PPA2: variants seen among roughly 807,000 people sequenced by gnomAD.
PPA2 encodes inorganic pyrophosphatase 2, mitochondrial.
Under a neutral mutation model 49.5 loss-of-function variants are expected in PPA2, and 48 were observed. The observed-to-expected ratio is 0.97, with a 90% CI of 0.77 to 1.23. The LOEUF (loss-of-function observed/expected upper bound fraction) is 1.23, where lower values mean the gene tolerates loss of function less well. PPA2 is among the 50% of genes most tolerant of loss of function. The pLI, the probability that PPA2 is intolerant of heterozygous loss-of-function variation, is 0.00. For synonymous variants in PPA2, 131 were observed against 139.9 expected (o/e 0.94, Z 0.45); for missense variants, 429 against 410.1 (o/e 1.05, Z -0.40).
intron 1 of PPA2, among the ~76,000 whole-genome samples, chr4:105,468,863 G>A (rs1023239472): frequency 3.3e-5 from 5 of 152,174 alleles, no homozygotes; most frequent in African/African-American, 1.2e-4. Flanking sequence ...ATCCCCCTGT[G>A]TTAAGTTCTA....
intron 8 of PPA2, 100 bp downstream of exon 8, chr4:105,398,937 C>A: frequency 2.5e-6 from 3 of 1,222,730 alleles, no homozygotes; most frequent in Non-Finnish European, 2.2e-6. Flanking sequence ...CTTTTTTAAC[C>A]ATGCTATATA....
chr4:105,454,678 G>A (rs1330549165), intron 2 of PPA2, among the ~76,000 whole-genome samples: 2 of 152,056 alleles, frequency 1.3e-5, no homozygotes, highest in Non-Finnish European at 2.9e-5. Context: ...TACAAAGCAC[G>A]AGTTTTAATC....
intron 6 of PPA2, among the ~76,000 whole-genome samples, 176 bp downstream of exon 6, chr4:105,437,774 A>G (rs933628715): frequency 6.6e-6 from 1 of 152,204 alleles, no homozygotes; most frequent in African/African-American, 2.4e-5. Context: ...TTACAGGGCT[A>G]TAATTTACCA....
At chr4:105,405,225 TATAAAC>T in intron 7 of PPA2, 1 of 747,734 alleles carries the variant, frequency 1.3e-6, no homozygotes, top group Non-Finnish European at 1.6e-6. Context: ...TAGGCATAGT[TATAAAC>T]AAACACAAAG....
At position 105,369,526 on chromosome 4, in the gene PPA2, A is replaced by G. The variant is rs1427666507; in HGVS notation, c.*199T>C. 2 of 544,960 alleles carry G rather than the reference A, an allele frequency of 3.7e-6. No homozygotes were observed. Among genetic ancestry groups the G allele is most frequent in the South Asian group, 2.8e-5 (1 of 35,870 alleles). The allele number at this position is 544,960 out of a possible 1,614,324, so 33.8% of individuals were successfully genotyped here. The stretch of plus-strand genomic sequence containing the variant: ...GCATGAGCCACCGTGCCTGGCCAAA[A>G]TCTTCTTTTTATATCAATAAATGTC... On this transcript the variant is annotated 3_prime_UTR_variant, in exon 12 of 12. Coordinates refer to ENST00000341695, the MANE Select transcript of PPA2 (RefSeq NM_176869.3).
intron 5 of PPA2, among the ~76,000 whole-genome samples, chr4:105,442,767 A>G (rs1394507468): frequency 5.3e-5 from 8 of 152,212 alleles, no homozygotes; most frequent in Non-Finnish European, 1.2e-4. Flanking sequence ...AGCTAAGTGG[A>G]TAGACTACTA....
At chr4:105,450,937 A>AT (rs542920634) in intron 3 of PPA2, among the ~76,000 whole-genome samples, 3 of 151,894 alleles carry the variant, frequency 2.0e-5, no homozygotes, top group South Asian at 2.1e-4. Context: ...TGTTGATTGC[A>AT]TTTTTTTTAA....
intron 5 of PPA2, among the ~76,000 whole-genome samples, chr4:105,443,861 T>A (rs1316559697): frequency 1.3e-5 from 2 of 152,160 alleles, no homozygotes; most frequent in Non-Finnish European, 2.9e-5. Context: ...TTCCTCTAGA[T>A]GTCCACACTA....
At chr4:105,424,673 G>A (rs1290125402) in intron 6 of PPA2, among the ~76,000 whole-genome samples, 1 of 152,130 alleles carries the variant, frequency 6.6e-6, no homozygotes, top group Non-Finnish European at 1.5e-5. Flanking sequence ...AATGAGAAGA[G>A]ATGTGATTGC....
intron 6 of PPA2, among the ~76,000 whole-genome samples, chr4:105,424,858 A>T (rs1723421508): frequency 6.6e-6 from 1 of 152,222 alleles, no homozygotes; most frequent in African/African-American, 2.4e-5. Context: ...GGTTCCTTTG[A>T]GACACGGATT....
intron 7 of PPA2, among the ~76,000 whole-genome samples, chr4:105,402,597 G>A (rs1303953860): frequency 6.6e-6 from 1 of 152,160 alleles, no homozygotes; most frequent in Admixed American, 6.6e-5. Flanking sequence ...TAGGAGATAC[G>A]ATTAGAGAAG....
chr4:105,370,526 T>C (rs949709110), intron 11 of PPA2: 91 of 862,322 alleles, frequency 1.1e-4, no homozygotes, highest in Non-Finnish European at 1.2e-4. Context: ...TAAGAGTTTT[T>C]TTTTAATTAA....
At chr4:105,409,028 G>A (rs923221836) in intron 7 of PPA2, among the ~76,000 whole-genome samples, 8 of 152,210 alleles carry the variant, frequency 5.3e-5, no homozygotes, top group African/African-American at 1.9e-4. Flanking sequence ...TGAGGTACGT[G>A]GTTCATCTCA....
chr4:105,438,916 C>G (rs1355956242), intron 5 of PPA2, among the ~76,000 whole-genome samples: 1 of 151,912 alleles, frequency 6.6e-6, no homozygotes, highest in Non-Finnish European at 1.5e-5. Flanking sequence ...TAATTACAAA[C>G]AAACTTATTT....
intron 4 of PPA2, 82 bp from the exon 5 acceptor site, chr4:105,446,584 G>T: frequency 7.1e-7 from 1 of 1,416,820 alleles, no homozygotes. Context: ...TTAAAAATCT[G>T]CTATTTTCAG....
chr4:105,453,748 C>T, intron 2 of PPA2, 106 bp from the exon 3 acceptor site: 1 of 804,146 alleles, frequency 1.2e-6, no homozygotes, highest in Non-Finnish European at 1.9e-6. Context: ...TACACAAAGA[C>T]TGTCCAGAAA....
intron 6 of PPA2, among the ~76,000 whole-genome samples, chr4:105,435,984 A>G (rs1448009623): frequency 6.6e-6 from 1 of 152,114 alleles, no homozygotes; most frequent in Non-Finnish European, 1.5e-5. Flanking sequence ...AGGAAATAAA[A>G]GGTATCTAAA....
chr4:105,431,982 GA>G (rs1723822911), intron 6 of PPA2, among the ~76,000 whole-genome samples: 1 of 152,306 alleles, frequency 6.6e-6, no homozygotes, highest in African/African-American at 2.4e-5. Flanking sequence ...TTGAGGTCAT[GA>G]AATGTTTGGG....
At chr4:105,411,098 C>T (rs944013555) in intron 7 of PPA2, among the ~76,000 whole-genome samples, 4 of 152,054 alleles carry the variant, frequency 2.6e-5, no homozygotes, top group African/African-American at 9.7e-5. Flanking sequence ...TTAAATGCCC[C>T]AATTAAAAGA....
Sources: gnomAD v4.1 joint callset for allele counts (sites outside exome capture counted in the v4.1 genomes callset) on GRCh38, gnomAD v4.1.1 for gene constraint, MANE v1.5 for transcripts, NCBI Gene and HGNC (gene_info 2026-07-23, HGNC 2026-07-21) for gene names.